EIF4G3: variants seen among roughly 807,000 people sequenced by gnomAD.
The protein encoded by EIF4G3 is eukaryotic translation initiation factor 4 gamma 3, also known as eIF-4-gamma 3.
Under a neutral mutation model 186.4 loss-of-function variants are expected in EIF4G3, and 34 were observed. The observed-to-expected ratio is 0.18, with a 90% CI of 0.14 to 0.24. The LOEUF (loss-of-function observed/expected upper bound fraction) is 0.24, where lower values mean the gene tolerates loss of function less well. EIF4G3 is among the 10% of genes least tolerant of loss of function. EIF4G3 has a pLI of 1.00. For missense variants in EIF4G3, 1,536 were observed against 1,948.5 expected (o/e 0.79, Z 3.99); for synonymous variants, 673 against 679.5 (o/e 0.99, Z 0.15).
intron 3 of EIF4G3, among the ~76,000 whole-genome samples, chr1:21,080,724 G>A (rs948525190): frequency 8.5e-5 from 13 of 152,192 alleles, no homozygotes; most frequent in Middle Eastern, 3.4e-3. Context: ...TGGTCAGGCT[G>A]ATCTCAAACT....
intron 2 of EIF4G3, among the ~76,000 whole-genome samples, chr1:21,146,843 G>T (rs2097451757): frequency 6.6e-6 from 1 of 152,160 alleles, no homozygotes. Context: ...ATAGTCACAA[G>T]GAGCTTTTCA....
chr1:21,102,663 C>T (rs1383794904), intron 2 of EIF4G3, among the ~76,000 whole-genome samples: 2 of 152,178 alleles, frequency 1.3e-5, no homozygotes, highest in African/African-American at 4.8e-5. Flanking sequence ...CCTCCCACCA[C>T]CTTGACTCTT....
chr1:20,947,325 T>C (rs983851717), intron 13 of EIF4G3, among the ~76,000 whole-genome samples: 9 of 149,558 alleles, frequency 6.0e-5, no homozygotes, highest in Admixed American at 1.3e-4. Flanking sequence ...TCCTGGGTGA[T>C]AGAACGAAAC....
chr1:21,012,260 T>C (rs1288255437), intron 4 of EIF4G3, among the ~76,000 whole-genome samples: 3 of 152,212 alleles, frequency 2.0e-5, no homozygotes, highest in South Asian at 2.1e-4. Flanking sequence ...CATTATTTTA[T>C]TGTGACCCTA....
intron 27 of EIF4G3, among the ~76,000 whole-genome samples, chr1:20,852,881 C>CAAT (rs1187949850): frequency 6.6e-6 from 1 of 151,710 alleles, no homozygotes; most frequent in Non-Finnish European, 1.5e-5. Flanking sequence ...AAACTTATTA[C>CAAT]AATAATAATA....
intron 3 of EIF4G3, among the ~76,000 whole-genome samples, chr1:21,086,474 C>T (rs1422823073): frequency 3.9e-5 from 6 of 152,134 alleles, no homozygotes; most frequent in Non-Finnish European, 7.4e-5. Flanking sequence ...ATTCCATTAA[C>T]CACGCCTCTG....
chr1:20,925,770 G>C (rs2094842228), intron 14 of EIF4G3, among the ~76,000 whole-genome samples: 2 of 152,216 alleles, frequency 1.3e-5, no homozygotes, highest in South Asian at 4.1e-4. Context: ...GGCCTCAAGT[G>C]ATCTTCTCAC....
At chr1:21,010,432 A>AAAAAAG (rs1276963131) in intron 4 of EIF4G3, among the ~76,000 whole-genome samples, 186 of 141,034 alleles carry the variant, frequency 1.3e-3, no homozygotes, top group South Asian at 2.7e-3. Context: ...AAAAAAAAAA[A>AAAAAAG]AAAAAGAAAA....
chr1:20,981,168 G>A lies in EIF4G3; in HGVS notation c.258C>T (p.Ser86=), dbSNP rs758446646. 5 of 1,613,782 alleles carry A rather than the reference G, an allele frequency of 3.1e-6. No individual in the cohort carries two copies. Among genetic ancestry groups the A allele is most frequent in the Non-Finnish European group, 4.2e-6 (5 of 1,179,876 alleles). The change falls in exon 9 of 37, where the codon TCC becomes TCT. Residue 86 remains serine (S), a synonymous_variant. Transcript: ENST00000602326. The part of the protein sequence containing the change: ...PRATIPNSSP[S]IRPGAQTPTA... ...TGGGTGTCTGTGCACCAGGACGAAT[G>A]GAAGGACTGCTGTTCGGGATGGTAG...
intron 2 of EIF4G3, among the ~76,000 whole-genome samples, chr1:21,139,321 G>A (rs1324578097): frequency 6.6e-6 from 1 of 152,048 alleles, no homozygotes; most frequent in African/African-American, 2.4e-5. Flanking sequence ...TGGGTGTGGT[G>A]GCTCACACCT....
At chr1:20,876,204 T>C (rs1222787156) in intron 20 of EIF4G3, among the ~76,000 whole-genome samples, 7 of 114,822 alleles carry the variant, frequency 6.1e-5, no homozygotes, top group Admixed American at 5.3e-4. Flanking sequence ...GCCTGGGATA[T>C]AGAGTGAGAG....
chr1:21,139,677 C>CA (rs1244244692), intron 2 of EIF4G3, among the ~76,000 whole-genome samples: 7 of 152,152 alleles, frequency 4.6e-5, no homozygotes, highest in Non-Finnish European at 8.8e-5. Context: ...ACTAAAGCTG[C>CA]AAAATCTGAT....
chr1:20,948,820 C>T (rs1301297448), intron 13 of EIF4G3, among the ~76,000 whole-genome samples: 3 of 151,594 alleles, frequency 2.0e-5, no homozygotes, highest in African/African-American at 4.8e-5. Context: ...AGCAGCCTGG[C>T]CAACATGGTG....
At chr1:20,957,040 T>C (rs1228117422) in intron 12 of EIF4G3, among the ~76,000 whole-genome samples, 2 of 152,178 alleles carry the variant, frequency 1.3e-5, no homozygotes, top group Non-Finnish European at 1.5e-5. Flanking sequence ...AGCATTCAGA[T>C]TGATGAAATA....
chr1:21,146,089 T>A (rs1193739669), intron 2 of EIF4G3, among the ~76,000 whole-genome samples: 1 of 152,006 alleles, frequency 6.6e-6, no homozygotes, highest in East Asian at 1.9e-4. Context: ...AGCAAGACCC[T>A]GTCTCCAAAA....
chr1:21,169,510 ATGAG>A (rs750362748), intron 2 of EIF4G3, among the ~76,000 whole-genome samples: 3 of 152,190 alleles, frequency 2.0e-5, no homozygotes, highest in Non-Finnish European at 2.9e-5. Context: ...TAATAAGATT[ATGAG>A]TGATTTTTTA....
chr1:21,123,097 A>G (rs2096956256), intron 2 of EIF4G3, among the ~76,000 whole-genome samples: 1 of 152,132 alleles, frequency 6.6e-6, no homozygotes, highest in East Asian at 1.9e-4. Flanking sequence ...GTAAATTATC[A>G]AAATATTTAA....
Position 21,057,305 on chromosome 1 carries a change from C to T in EIF4G3, c.-195-6311G>A, listed in dbSNP as rs541961639. On this transcript the variant is annotated intron_variant, in intron 3 of 36. Transcript: ENST00000602326. The stretch of plus-strand genomic sequence containing the variant: ...TGATCAATAATGAAATTTTCATACA[C>T]TGAAAATTTTCCTATACAGAAACAG... Among the ~76,000 whole-genome samples the T allele has an allele frequency of 8.2e-4, 125 of 152,252 alleles. No homozygotes were observed. The Middle Eastern group carries it at 0.014, about 17-fold the overall frequency.
intron 2 of EIF4G3, among the ~76,000 whole-genome samples, chr1:21,164,361 G>A (rs1013204644): frequency 1.3e-5 from 2 of 152,120 alleles, no homozygotes; most frequent in Non-Finnish European, 2.9e-5. Flanking sequence ...GTCAAAGTTC[G>A]TTTATCCAAT....
Sources: allele counts gnomAD v4.1 joint callset (sites outside exome capture counted in the v4.1 genomes callset), GRCh38; gene constraint gnomAD v4.1.1; transcripts MANE v1.5; gene names NCBI Gene and HGNC (gene_info 2026-07-23, HGNC 2026-07-21).